ARID1B: variants seen among roughly 807,000 people sequenced by gnomAD.
ARID1B encodes AT-rich interaction domain 1B, also known as AT-rich interactive domain-containing protein 1B.
Under a neutral mutation model 212.3 loss-of-function variants are expected in ARID1B, and 30 were observed. That is an observed-to-expected ratio of 0.14 (90% CI 0.11 to 0.19). The LOEUF is 0.19. ARID1B is among the 10% of genes least tolerant of loss of function. The probability of loss-of-function intolerance (pLI) is 1.00; values close to 1 mark genes in which losing one functional copy is unlikely to be tolerated. For missense variants in ARID1B, 2,891 were observed against 3,204.0 expected, an observed-to-expected ratio of 0.90 and a Z score of 2.36; for synonymous variants, 1,402 against 1,301.7, an observed-to-expected ratio of 1.08 and a Z score of -1.66.
intron 7 of ARID1B, among the ~76,000 whole-genome samples, chr6:157,146,069 C>T (rs1222019378): frequency 6.6e-6 from 1 of 152,138 alleles, no homozygotes; most frequent in Non-Finnish European, 1.5e-5. Flanking sequence ...CAGACCCAGC[C>T]TCTCCCCTCT....
chr6:157,178,640 A>G (rs960664844), intron 11 of ARID1B, among the ~76,000 whole-genome samples: 7 of 152,244 alleles, frequency 4.6e-5, no homozygotes, highest in African/African-American at 1.4e-4. Context: ...ATTATGAAAA[A>G]GAACTATTCT....
At chr6:156,972,370 C>G (rs1273263015) in intron 4 of ARID1B, among the ~76,000 whole-genome samples, 1 of 152,208 alleles carries the variant, frequency 6.6e-6, no homozygotes, top group Non-Finnish European at 1.5e-5. Flanking sequence ...ATGGTGGCAC[C>G]TGTGCTGAGG....
At chr6:157,141,317 T>C (rs1464526019) in intron 7 of ARID1B, 1 of 152,264 alleles carries the variant, frequency 6.6e-6, no homozygotes, top group Non-Finnish European at 1.5e-5. Flanking sequence ...GAAGTGACAC[T>C]GTAAGGTAAG....
intron 1 of ARID1B, among the ~76,000 whole-genome samples, chr6:156,785,188 G>T (rs1488474648): frequency 6.6e-6 from 1 of 152,216 alleles, no homozygotes; most frequent in Non-Finnish European, 1.5e-5. Context: ...CTTGTTTCTT[G>T]GATGAGATTT....
At chr6:157,154,594 T>TG (rs1562309005) in intron 8 of ARID1B, among the ~76,000 whole-genome samples, 66 of 146,940 alleles carry the variant, frequency 4.5e-4, no homozygotes, top group Admixed American at 3.5e-3. Context: ...TTTTTTTTTT[T>TG]TTTTGAGTTG....
At chr6:157,131,408 C>G (rs1365353108) in intron 6 of ARID1B, among the ~76,000 whole-genome samples, 1 of 152,032 alleles carries the variant, frequency 6.6e-6, no homozygotes, top group Non-Finnish European at 1.5e-5. Flanking sequence ...GACCTCTGAT[C>G]AGGTGTCGAG....
chr6:156,963,950 G>C (rs1794571831), intron 4 of ARID1B, among the ~76,000 whole-genome samples: 2 of 152,338 alleles, frequency 1.3e-5, no homozygotes, highest in South Asian at 4.1e-4. Flanking sequence ...GTATGAATAT[G>C]TGCTTGCCAA....
rs527490688 is a variant in ARID1B at position 157,201,617 on chromosome 6, C to T, written c.5263+129C>T. The T allele has an allele frequency of 1.4e-4, 155 of 1,110,668 alleles. 1 individual carries two copies. In the South Asian group the frequency reaches 2.6e-3, roughly 19 times the overall value. 68.8% of individuals were successfully genotyped at this position (1,110,668 alleles called of 1,614,324 possible). ...ATTATGACTAGAAGTTATCAAGATG[C>T]GTTTTTATATAGGAGTAATATAGTT... On this transcript the variant is annotated intron_variant, in intron 18 of 19. Transcript: ENST00000636930. This position sits in a 1 kb window ranked among gnomAD's most constrained non-coding sequence, Gnocchi z 5.2.
At chr6:157,097,081 T>C (rs1785692690) in intron 5 of ARID1B, among the ~76,000 whole-genome samples, 2 of 152,230 alleles carry the variant, frequency 1.3e-5, no homozygotes, top group African/African-American at 2.4e-5. Context: ...TCTCGTTCTT[T>C]ACTTTTAAAA....
At chr6:156,932,212 G>A (rs899904236) in intron 3 of ARID1B, among the ~76,000 whole-genome samples, 1 of 150,974 alleles carries the variant, frequency 6.6e-6, no homozygotes, top group Non-Finnish European at 1.5e-5. Flanking sequence ...TTACTACTAC[G>A]CTAAACTTTT....
At chr6:157,085,421 T>C (rs183806436) in intron 5 of ARID1B, among the ~76,000 whole-genome samples, 1 of 152,378 alleles carries the variant, frequency 6.6e-6, no homozygotes, top group East Asian at 1.9e-4. Flanking sequence ...GTGCCTTCTC[T>C]TGGACACAAG....
At chr6:157,182,798 C>G (rs1333824025) in intron 12 of ARID1B, among the ~76,000 whole-genome samples, 2 of 152,182 alleles carry the variant, frequency 1.3e-5, no homozygotes, top group Non-Finnish European at 2.9e-5. Context: ...ACACGCCTCT[C>G]TCTGACCTGG....
chr6:157,169,600 A>G (rs1791573125), intron 9 of ARID1B: 3 of 152,262 alleles, frequency 2.0e-5, no homozygotes, highest in Admixed American at 2.0e-4. Context: ...ACTGTGGACA[A>G]AATTACAAAT....
At chr6:157,051,872 T>C (rs1250343324) in intron 4 of ARID1B, among the ~76,000 whole-genome samples, 2 of 152,258 alleles carry the variant, frequency 1.3e-5, no homozygotes, top group Non-Finnish European at 1.5e-5. Context: ...TCACATGATA[T>C]ATTACTTTGT....
At chr6:157,081,021 T>G (rs550548639) in intron 4 of ARID1B, among the ~76,000 whole-genome samples, 1 of 152,328 alleles carries the variant, frequency 6.6e-6, no homozygotes, top group African/African-American at 2.4e-5. Flanking sequence ...AGCAAAATAG[T>G]GATTTTACTA....
chr6:156,782,350 A>G lies in ARID1B; in HGVS notation c.1791+2879A>G, dbSNP rs115704657. On this transcript the variant is annotated intron_variant, in intron 1 of 19. Coordinates refer to ENST00000636930, the MANE Select transcript of ARID1B (RefSeq NM_001374828.1). ...CGTAATTGGGACAAAACGTGTATAT[A>G]TTATAGGAGAAGGGTCTTTTTAAAA... is the stretch of plus-strand genomic sequence containing the variant. 2.9e-3 allele frequency among the ~76,000 whole-genome samples: 437 copies of G among 152,126 alleles called. 4 individuals are homozygous for G. Among genetic ancestry groups the G allele is most frequent in the African/African-American group, 9.7e-3 (402 of 41,542 alleles).
In ARID1B at chr6:156,867,601, A is replaced by G. The variant is rs532330367; in HGVS notation, c.1987-33775A>G. On this transcript the variant is annotated intron_variant, in intron 2 of 19. Coordinates refer to ENST00000636930, the MANE Select transcript of ARID1B (RefSeq NM_001374828.1). ...TTAATTTTTTTTTTCATTTGGTTAC[A>G]TTTGAACGGTATGTGAATGTACTAT... Among the ~76,000 whole-genome samples the G allele has an allele frequency of 2.6e-5, 4 of 152,116 alleles. No individual in the cohort carries two copies. In the South Asian group the frequency reaches 8.3e-4, roughly 32 times the overall value.
chr6:157,145,335 T>C (rs1789647569), intron 7 of ARID1B, among the ~76,000 whole-genome samples: 1 of 152,208 alleles, frequency 6.6e-6, no homozygotes, highest in Non-Finnish European at 1.5e-5. Context: ...TCTGTGTGTG[T>C]GGCTGCTTTG....
intron 4 of ARID1B, among the ~76,000 whole-genome samples, chr6:157,059,292 AAAG>A (rs1162441593): frequency 6.6e-6 from 1 of 152,124 alleles, no homozygotes; most frequent in African/African-American, 2.4e-5. Context: ...GTCAGGAATA[AAAG>A]AAGCTGGTGA....
Sources: allele counts gnomAD v4.1 joint callset (sites outside exome capture counted in the v4.1 genomes callset), GRCh38; gene constraint gnomAD v4.1.1; non-coding constraint Gnocchi (gnomAD v3.1); transcripts MANE v1.5; gene names NCBI Gene and HGNC (gene_info 2026-07-23, HGNC 2026-07-21).